Variants in ROBO1 observed in about 807,000 individuals in gnomAD.
ROBO1 encodes roundabout homolog 1.
A neutral mutation model predicts 195.9 loss-of-function variants in ROBO1; 149 were observed. That is an observed-to-expected ratio of 0.76 (90% CI 0.67 to 0.87). The LOEUF is 0.87. Ranked by LOEUF, ROBO1 falls within the 40% of genes least tolerant of loss-of-function variation. The pLI, the probability that ROBO1 is intolerant of heterozygous loss-of-function variation, is 0.00. For missense variants in ROBO1, 1,933 were observed against 2,068.3 expected (o/e 0.93, Z 1.27); for synonymous variants, 816 against 733.2 (o/e 1.11, Z -1.82).
chr3:79,393,873 T>G (rs1020297889), intron 2 of ROBO1, among the ~76,000 whole-genome samples: 7 of 152,110 alleles, frequency 4.6e-5, no homozygotes, highest in African/African-American at 1.7e-4. Context: ...AACCCGAACA[T>G]CTGAATAACA....
At chr3:79,213,114 C>T (rs2081995099) in intron 2 of ROBO1, among the ~76,000 whole-genome samples, 1 of 151,754 alleles carries the variant, frequency 6.6e-6, no homozygotes, top group South Asian at 2.1e-4. Context: ...CATGGTGGCA[C>T]ATACCTGTAG....
intron 1 of ROBO1, among the ~76,000 whole-genome samples, chr3:79,735,888 A>AAAAC (rs1703360701): frequency 1.1e-4 from 3 of 26,184 alleles, no homozygotes; most frequent in Admixed American, 4.7e-4. Flanking sequence ...AAAAAAAAAC[A>AAAAC]AAAAAAAAAC....
chr3:78,751,675 A>G (rs982593404), intron 4 of ROBO1, among the ~76,000 whole-genome samples: 2 of 152,154 alleles, frequency 1.3e-5, no homozygotes, highest in African/African-American at 2.4e-5. Flanking sequence ...ATCTTTGAAT[A>G]TATTCTGCAT....
intron 8 of ROBO1, among the ~76,000 whole-genome samples, chr3:78,702,484 T>A (rs532655573): frequency 2.6e-4 from 40 of 152,300 alleles, no homozygotes; most frequent in Non-Finnish European, 4.6e-4. Flanking sequence ...CAACTTAGAA[T>A]TAACTTTTTC....
chr3:79,704,438 G>A (rs888927013), intron 1 of ROBO1, among the ~76,000 whole-genome samples: 2 of 151,874 alleles, frequency 1.3e-5, no homozygotes, highest in African/African-American at 4.8e-5. Context: ...GAATCATACA[G>A]CTGGAAGGCT....
At chr3:79,430,679 G>A (rs1575816029) in intron 2 of ROBO1, among the ~76,000 whole-genome samples, 1 of 152,188 alleles carries the variant, frequency 6.6e-6, no homozygotes, top group African/African-American at 2.4e-5. Context: ...ATGTATTTGT[G>A]TATAGTAACC....
chr3:79,649,759 C>T (rs1290789712), intron 1 of ROBO1, among the ~76,000 whole-genome samples: 1 of 152,016 alleles, frequency 6.6e-6, no homozygotes, highest in Admixed American at 6.6e-5. Context: ...CGGGAATAAT[C>T]TACCCTTAAT....
intron 4 of ROBO1, among the ~76,000 whole-genome samples, chr3:78,908,187 T>C (rs2038041240): frequency 6.6e-6 from 1 of 152,008 alleles, no homozygotes; most frequent in African/African-American, 2.4e-5. Context: ...TTATATTTCA[T>C]TGCTCTTTTA....
intron 4 of ROBO1, among the ~76,000 whole-genome samples, chr3:78,773,950 C>T (rs897425478): frequency 3.9e-5 from 6 of 152,216 alleles, no homozygotes; most frequent in Admixed American, 3.9e-4. Flanking sequence ...CTGTTTCCCT[C>T]ACAGTAAGGA....
intron 2 of ROBO1, among the ~76,000 whole-genome samples, chr3:79,322,283 T>A (rs1195613836): frequency 6.6e-6 from 1 of 152,174 alleles, no homozygotes; most frequent in African/African-American, 2.4e-5. Flanking sequence ...GGGCAAAATC[T>A]AATTTTCAGA....
chr3:79,515,464 C>T lies in ROBO1; in HGVS notation c.88+74360G>A, dbSNP rs542960437. ...ACACTTATTATAAAGATGCAAATTTCCTCTCAACCACCAACAATGTTTGTG... is the reference window on the plus strand; with the variant it reads ...ACACTTATTATAAAGATGCAAATTTTCTCTCAACCACCAACAATGTTTGTG... On this transcript the variant is annotated intron_variant, in intron 2 of 30. Transcript: ENST00000464233. Among the ~76,000 whole-genome samples the T allele has an allele frequency of 5.3e-5, 8 of 152,302 alleles. No individual in the cohort carries two copies. The East Asian group carries it at 1.4e-3, about 26-fold the overall frequency.
chr3:78,957,243 A>G (rs2041093217), intron 3 of ROBO1, among the ~76,000 whole-genome samples: 1 of 151,290 alleles, frequency 6.6e-6, no homozygotes, highest in African/African-American at 2.4e-5. Flanking sequence ...CTCGAAATAT[A>G]TGTACTAAAT....
intron 3 of ROBO1, among the ~76,000 whole-genome samples, chr3:79,017,986 C>A (rs375583153): frequency 1.3e-5 from 2 of 152,268 alleles, no homozygotes; most frequent in East Asian, 3.9e-4. Flanking sequence ...GGCAAGCCTG[C>A]GGGCCACAAG....
At chr3:79,552,947 A>G (rs1209977400) in intron 2 of ROBO1, among the ~76,000 whole-genome samples, 1 of 152,080 alleles carries the variant, frequency 6.6e-6, no homozygotes, top group Admixed American at 6.6e-5. Flanking sequence ...GCTATTGCTA[A>G]GGCCATTATG....
intron 10 of ROBO1, among the ~76,000 whole-genome samples, chr3:78,683,370 T>A (rs1488415859): frequency 6.6e-6 from 1 of 152,086 alleles, no homozygotes; most frequent in Admixed American, 6.5e-5. Flanking sequence ...ATTCAGATTT[T>A]TTTGTTTGTT....
At chr3:79,552,286 A>G (rs1277648296) in intron 2 of ROBO1, among the ~76,000 whole-genome samples, 1 of 152,058 alleles carries the variant, frequency 6.6e-6, no homozygotes, top group Non-Finnish European at 1.5e-5. Context: ...TGCAGAAAAG[A>G]TGCACACATT....
At chr3:78,690,373 G>A (rs2081145439) in intron 8 of ROBO1, among the ~76,000 whole-genome samples, 1 of 151,906 alleles carries the variant, frequency 6.6e-6, no homozygotes, top group Non-Finnish European at 1.5e-5. Flanking sequence ...GCTTTCAAAT[G>A]TCCTCTAACT....
At chr3:79,263,303 A>G (rs909368427) in intron 2 of ROBO1, among the ~76,000 whole-genome samples, 7 of 152,072 alleles carry the variant, frequency 4.6e-5, no homozygotes, top group Admixed American at 4.6e-4. Flanking sequence ...GTATCTCCTG[A>G]TAACAAAGAC....
At chr3:79,229,099 T>C (rs1559750306) in intron 2 of ROBO1, among the ~76,000 whole-genome samples, 1 of 152,166 alleles carries the variant, frequency 6.6e-6, no homozygotes, top group Non-Finnish European at 1.5e-5. Flanking sequence ...ATATATTCTG[T>C]GCAAAAAGTT....
Sources: allele counts gnomAD v4.1 joint callset (sites outside exome capture counted in the v4.1 genomes callset), GRCh38; gene constraint gnomAD v4.1.1; transcripts MANE v1.5; gene names NCBI Gene and HGNC (gene_info 2026-07-23, HGNC 2026-07-21).